The following POLR2F variants were observed in gnomAD, a reference collection of about 807,000 sequenced individuals.
POLR2F encodes the protein RNA polymerase II, I and III subunit F.
In POLR2F, 12 loss-of-function variants were observed where a neutral mutation model predicts 22.7. The observed-to-expected ratio is 0.53, with a 90% CI of 0.34 to 0.86. POLR2F has a LOEUF of 0.86. Among genes scored for constraint, POLR2F ranks in the 40% least tolerant of loss-of-function variants. POLR2F has a pLI of 0.02. For synonymous variants in POLR2F, 57 were observed against 66.0 expected (o/e 0.86, Z 0.66); for missense variants, 126 against 171.5 (o/e 0.73, Z 1.48).
chr22:37,977,947 T>A, intron 4 of POLR2F: 1 of 1,612,702 alleles, frequency 6.2e-7, no homozygotes, highest in South Asian at 1.1e-5. Context: ...GCTCTTGTAG[T>A]GGGCCTGGAT....
chr22:37,976,238 C>CA (rs969713356), intron 4 of POLR2F, among the ~76,000 whole-genome samples: 17 of 151,862 alleles, frequency 1.1e-4, no homozygotes, highest in South Asian at 6.2e-4. Context: ...AAAACAAAAA[C>CA]AAAAAAAAGA....
chr22:37,981,711 C>T (rs1201300043), upstream of POLR2F, among the ~76,000 whole-genome samples: 2 of 152,180 alleles, frequency 1.3e-5, no homozygotes, highest in Non-Finnish European at 2.9e-5. Context: ...CTCTTTGTCC[C>T]CTGGCACTAA....
intron 1 of POLR2F, among the ~76,000 whole-genome samples, chr22:38,004,753 T>C (rs182100348): frequency 6.6e-6 from 1 of 152,308 alleles, no homozygotes; most frequent in African/African-American, 2.4e-5. Context: ...GACACCAGTC[T>C]GGCCAACATG....
Position 38,017,061 on chromosome 22 carries a change from C to T in POLR2F, c.121-8808C>T, listed in dbSNP as rs900530040. Among the ~76,000 whole-genome samples the T allele has an allele frequency of 6.6e-6, 1 of 152,212 alleles. No individual in the cohort carries two copies. The highest frequency in any genetic ancestry group is 2.4e-5 in the African/African-American group (1 of 41,464). ...CAGGTCCCCCCACCACTCTCCAGCCCTCCTGAGGCAGCTGTGGGGCCGTGC... is the reference window on the plus strand; with the variant it reads ...CAGGTCCCCCCACCACTCTCCAGCCTTCCTGAGGCAGCTGTGGGGCCGTGC... On this transcript the variant is annotated intron_variant, in intron 1 of 2. Transcript: ENST00000333418. This position sits in a 1 kb window ranked among gnomAD's most constrained non-coding sequence, Gnocchi z 4.1.
chr22:37,962,584 A>G (rs1030930330), intron 3 of POLR2F, among the ~76,000 whole-genome samples: 5 of 152,214 alleles, frequency 3.3e-5, no homozygotes, highest in South Asian at 4.1e-4. Context: ...ACCATCAACT[A>G]TGGTAGCCAT....
chr22:38,009,160 G>T (rs2084850304), intron 1 of POLR2F, among the ~76,000 whole-genome samples: 2 of 152,246 alleles, frequency 1.3e-5, no homozygotes, highest in African/African-American at 4.8e-5. Flanking sequence ...GACAGAATGA[G>T]CGAGGGGGAC....
Position 38,037,696 on chromosome 22 carries a change from G to A in POLR2F, c.453-3372G>A, listed in dbSNP as rs137975266. 3.2e-3 allele frequency among the ~76,000 whole-genome samples: 482 copies of A among 151,748 alleles called. 3 individuals are homozygous for A. The highest frequency in any genetic ancestry group is 0.011 in the African/African-American group (465 of 41,338). On this transcript the variant is annotated intron_variant, in intron 5 of 5. Transcript: ENST00000407936. ...CAACCTCCACCTCCCGGGTTCACGC[G>A]ATTCTCCAGCCTCAGCCTCCTGAGT...
At position 37,978,462 on chromosome 22, in the gene POLR2F, A is replaced by C. The variant is rs1372407733; in HGVS notation, c.293+11292A>C. On this transcript the variant is annotated intron_variant, in intron 4 of 4. Transcript: ENST00000405557. This position sits in a 1 kb window ranked among gnomAD's most constrained non-coding sequence, Gnocchi z 5.0. The stretch of plus-strand genomic sequence containing the variant: ...GTTTCAAGGGGCAGATGCCAGTTCA[A>C]GGAAAGGAAAAACTTTCTCATCATC... Among the ~76,000 whole-genome samples, 1 of 152,244 alleles carries C rather than the reference A, an allele frequency of 6.6e-6. No individual in the cohort carries two copies. The highest frequency in any genetic ancestry group is 1.5e-5 in the Non-Finnish European group (1 of 68,052).
intron 1 of POLR2F, among the ~76,000 whole-genome samples, chr22:37,956,177 C>T (rs1041791284): frequency 6.6e-6 from 1 of 152,054 alleles, no homozygotes; most frequent in Non-Finnish European, 1.5e-5. Flanking sequence ...ACAACCTCCG[C>T]CTCCTGGGTT....
rs774238854 is a variant in POLR2F at position 37,986,360 on chromosome 22, A to G, written c.120+48A>G. 9 of 1,528,400 alleles carry G rather than the reference A, an allele frequency of 5.9e-6. No homozygotes were observed. The African/African-American group carries it at 1.2e-4, about 21-fold the overall frequency. The allele number at this position is 1,528,400 out of a possible 1,614,324, so 94.7% of individuals were successfully genotyped here. A position where few individuals can be genotyped will look rare whatever the true frequency, so the allele number is the denominator to read the frequency against. ...ACCCCTCAGTTCCTCCTCTTTGAGG[A>G]AAGGACCTCCCCGCTCTCTGCTGTG... On this transcript the variant is annotated intron_variant, in intron 1 of 2. Transcript: ENST00000333418. The surrounding 1 kb of genome is among the most constrained non-coding windows in gnomAD (Gnocchi z 4.7).
intron 5 of POLR2F, among the ~76,000 whole-genome samples, chr22:38,033,586 T>G (rs918940712): frequency 1.3e-5 from 2 of 152,156 alleles, no homozygotes; most frequent in African/African-American, 4.8e-5. Context: ...GCACAGCCTC[T>G]GAGGCCAAGC....
intron 3 of POLR2F, among the ~76,000 whole-genome samples, chr22:37,961,804 T>C (rs1051352660): frequency 1.3e-5 from 2 of 152,114 alleles, no homozygotes; most frequent in Non-Finnish European, 2.9e-5. Context: ...CGGGGTACTC[T>C]AATGGTACTG....
chr22:37,956,688 A>G, intron 1 of POLR2F, 85 bp from the exon 2 acceptor site: 2 of 1,081,506 alleles, frequency 1.8e-6, no homozygotes, highest in Non-Finnish European at 2.9e-6. Context: ...AAGTACCAGG[A>G]TTACAAGTGT....
At chr22:37,981,544 A>G (rs1314430395), upstream of POLR2F, among the ~76,000 whole-genome samples, 1 of 152,210 alleles carries the variant, frequency 6.6e-6, no homozygotes, top group South Asian at 2.1e-4. Flanking sequence ...GACAGGGACA[A>G]TGGAGGAGCC....
intron 1 of POLR2F, chr22:38,025,460 G>A (rs535205341): frequency 3.4e-5 from 46 of 1,350,830 alleles, no homozygotes; most frequent in African/African-American, 8.8e-5. Context: ...ATACACACAC[G>A]TACTCAAAGA....
chr22:37,975,705 G>A (rs528594402), intron 4 of POLR2F, among the ~76,000 whole-genome samples: 44 of 152,276 alleles, frequency 2.9e-4, no homozygotes, highest in African/African-American at 7.7e-4. Flanking sequence ...TTGAATCCTG[G>A]TTCTGTGTCT....
rs1257425632 is a variant in POLR2F at position 38,016,432 on chromosome 22, A to G, written c.121-9437A>G. On this transcript the variant is annotated intron_variant, in intron 1 of 2. Transcript: ENST00000333418. This position sits in a 1 kb window ranked among gnomAD's most constrained non-coding sequence, Gnocchi z 4.4. ...GCCCCCATCCGCCACCTCCCAGAGA[A>G]GGGACCATTGTGTCCGAAGGGTTAA... Among the ~76,000 whole-genome samples the G allele has an allele frequency of 6.6e-6, 1 of 152,222 alleles. No individual in the cohort carries two copies. Among genetic ancestry groups the G allele is most frequent in the Non-Finnish European group, 1.5e-5 (1 of 68,032 alleles).
intron 4 of POLR2F, 116 bp from the exon 5 acceptor site, chr22:37,967,509 C>T (rs1175767908): frequency 6.6e-7 from 1 of 1,508,674 alleles, no homozygotes; most frequent in Non-Finnish European, 8.8e-7. Context: ...CTCATCAGCC[C>T]CAAGAGGCTG....
At chr22:37,983,794 G>C, upstream of POLR2F, 1 of 1,419,990 alleles carries the variant, frequency 7.0e-7, no homozygotes, top group Non-Finnish European at 9.2e-7. This position sits in a 1 kb window ranked among gnomAD's most constrained non-coding sequence, Gnocchi z 9.5. Flanking sequence ...TGTCGCCCCC[G>C]GCCGCCGCCG....
Sources: gnomAD v4.1 joint callset for allele counts (sites outside exome capture counted in the v4.1 genomes callset) on GRCh38, gnomAD v4.1.1 for gene constraint, Gnocchi (gnomAD v3.1) non-coding constraint, MANE v1.5 for transcripts, NCBI Gene and HGNC (gene_info 2026-07-23, HGNC 2026-07-21) for gene names.